Variants in OCA2 observed in about 807,000 individuals in gnomAD.
OCA2 encodes OCA2 melanosomal transmembrane protein.
A neutral mutation model predicts 100.2 loss-of-function variants in OCA2; 77 were observed. The ratio of observed to expected loss-of-function variants is 0.77; its 90% confidence interval spans 0.64 to 0.93. OCA2 has a LOEUF of 0.93. Among genes scored for constraint, OCA2 ranks in the 40% least tolerant of loss-of-function variants. The pLI, the probability that OCA2 is intolerant of heterozygous loss-of-function variation, is 0.00. For synonymous variants in OCA2, 432 were observed against 439.2 expected, an observed-to-expected ratio of 0.98 and a Z score of 0.21; for missense variants, 1,062 against 1,089.1, an observed-to-expected ratio of 0.98 and a Z score of 0.35.
intron 5 of OCA2, among the ~76,000 whole-genome samples, chr15:28,024,498 C>T (rs1165801897): frequency 6.6e-6 from 1 of 152,194 alleles, no homozygotes; most frequent in Non-Finnish European, 1.5e-5. Flanking sequence ...AGATGTGTTC[C>T]AACACACATG....
chr15:27,985,209 A>G, intron 12 of OCA2, 21 bp from the exon 13 acceptor site: 1 of 1,613,484 alleles, frequency 6.2e-7, no homozygotes. Flanking sequence ...ACACACAGAG[A>G]GAGTACAAGC....
intron 10 of OCA2, among the ~76,000 whole-genome samples, chr15:27,990,091 C>CT (rs1399970195): frequency 2.6e-5 from 4 of 152,124 alleles, no homozygotes; most frequent in Non-Finnish European, 5.9e-5. Context: ...CCACTGGTCT[C>CT]TGTTGTTTCC....
intron 23 of OCA2, among the ~76,000 whole-genome samples, chr15:27,789,407 ATCT>A (rs1340874745): frequency 6.6e-6 from 1 of 152,150 alleles, no homozygotes; most frequent in Non-Finnish European, 1.5e-5. Context: ...TTGAGTTTGT[ATCT>A]TCGTTTCAAC....
chr15:27,921,765 A>G (rs1239613942), intron 19 of OCA2, among the ~76,000 whole-genome samples: 1 of 152,192 alleles, frequency 6.6e-6, no homozygotes, highest in Non-Finnish European at 1.5e-5. Context: ...CAGTGGCACA[A>G]TCGTGGCTCA....
At chr15:27,781,724 G>A (rs962178823) in intron 23 of OCA2, among the ~76,000 whole-genome samples, 1 of 152,134 alleles carries the variant, frequency 6.6e-6, no homozygotes, top group Non-Finnish European at 1.5e-5. Flanking sequence ...ATACCAGAAA[G>A]TAAATAGCAT....
Position 27,976,486 on chromosome 15 carries a change from T to C in OCA2, c.1503+6859A>G, listed in dbSNP as rs139127693. Among the ~76,000 whole-genome samples, 1,037 of 152,290 alleles carry C rather than the reference T, an allele frequency of 6.8e-3. 13 individuals are homozygous for C. Among genetic ancestry groups the C allele is most frequent in the African/African-American group, 0.023 (975 of 41,582 alleles). On this transcript the variant is annotated intron_variant, in intron 14 of 23. Coordinates refer to ENST00000354638, the MANE Select transcript of OCA2 (RefSeq NM_000275.3). ...GTAATAGATATCGGATTTTGCCAAA[T>C]GTTTTTTCTGCATCTATTGAGATGA...
At position 27,827,286 on chromosome 15, in the gene OCA2, T is replaced by A. The variant is rs538376867; in HGVS notation, c.2432+17673A>T. Among the ~76,000 whole-genome samples the A allele has an allele frequency of 2.4e-4, 37 of 152,130 alleles. 1 individual carries two copies. Among genetic ancestry groups the A allele is most frequent in the Middle Eastern group, 6.8e-3 (2 of 294 alleles). The stretch of plus-strand genomic sequence containing the variant: ...GACAGCCAGGACTGGGAAATCAACA[T>A]CTGATTTAAATGAGGGAAACAAGCT... On this transcript the variant is annotated intron_variant, in intron 23 of 23. Coordinates refer to ENST00000354638, the MANE Select transcript of OCA2 (RefSeq NM_000275.3).
At chr15:27,918,986 G>T (rs963254277) in intron 19 of OCA2, among the ~76,000 whole-genome samples, 7 of 152,194 alleles carry the variant, frequency 4.6e-5, no homozygotes, top group Non-Finnish European at 8.8e-5. Flanking sequence ...CAATTAGGGA[G>T]AGTGAAATAA....
intron 23 of OCA2, among the ~76,000 whole-genome samples, chr15:27,824,438 A>G (rs1454517113): frequency 1.3e-5 from 2 of 151,736 alleles, no homozygotes; most frequent in African/African-American, 4.8e-5. Flanking sequence ...ACAAAATAAG[A>G]GATAATGATC....
chr15:28,079,832 A>T (rs1435972212), intron 2 of OCA2, among the ~76,000 whole-genome samples: 1 of 152,004 alleles, frequency 6.6e-6, no homozygotes. Flanking sequence ...CACACCTGCC[A>T]GCTCCTGCCC....
chr15:27,745,944 T>C, the OCA2 span, among the ~76,000 whole-genome samples: 1 of 152,180 alleles, frequency 6.6e-6, no homozygotes, highest in African/African-American at 2.4e-5. Context: ...TGTCCCACCT[T>C]TCTGGACCAA....
At chr15:27,994,498 G>A (rs923272469) in intron 9 of OCA2, among the ~76,000 whole-genome samples, 8 of 152,064 alleles carry the variant, frequency 5.3e-5, no homozygotes, top group Non-Finnish European at 1.0e-4. Flanking sequence ...GGCACAGAAC[G>A]CACCACCTAG....
intron 23 of OCA2, among the ~76,000 whole-genome samples, chr15:27,830,919 G>T (rs1251296858): frequency 6.6e-6 from 1 of 152,122 alleles, no homozygotes; most frequent in African/African-American, 2.4e-5. Flanking sequence ...TTCATTTGAT[G>T]GAGCTACAGA....
At chr15:28,080,801 C>G (rs993882692) in intron 2 of OCA2, among the ~76,000 whole-genome samples, 1 of 152,220 alleles carries the variant, frequency 6.6e-6, no homozygotes, top group Non-Finnish European at 1.5e-5. Flanking sequence ...CTGCTTTTCT[C>G]ATTACAAGGA....
intron 1 of OCA2, among the ~76,000 whole-genome samples, chr15:28,097,701 ACTCCCAGAGTGCTG>A (rs2045011883): frequency 6.6e-6 from 1 of 151,320 alleles, no homozygotes; most frequent in African/African-American, 2.4e-5. Flanking sequence ...GGTACCCAAA[ACTCCCAGAGTGCTG>A]AAGCCACACC....
chr15:27,762,209 T>C (rs1281180790), intron 23 of OCA2, among the ~76,000 whole-genome samples: 1 of 151,996 alleles, frequency 6.6e-6, no homozygotes, highest in Non-Finnish European at 1.5e-5. Context: ...TTTCTGAGTC[T>C]ACAATGTCTA....
chr15:27,775,777 C>G (rs79126231), intron 23 of OCA2: 4,482 of 152,518 alleles, frequency 0.029, 101 homozygotes, highest in South Asian at 0.048. Flanking sequence ...CCTGTGTCTT[C>G]ACAATGTTTT....
chr15:28,035,158 G>C (rs2043013023), intron 2 of OCA2, among the ~76,000 whole-genome samples: 1 of 152,048 alleles, frequency 6.6e-6, no homozygotes, highest in South Asian at 2.1e-4. Context: ...GGCCACATCT[G>C]GCTGATTTTT....
the OCA2 span, among the ~76,000 whole-genome samples, chr15:27,739,039 G>A: frequency 0.53 from 80,881 of 151,980 alleles, 22,411 homozygotes; most frequent in East Asian, 0.67. Flanking sequence ...TGACTCAGTG[G>A]CGGAACCAGG....
Sources: allele counts gnomAD v4.1 joint callset (sites outside exome capture counted in the v4.1 genomes callset), GRCh38; gene constraint gnomAD v4.1.1; transcripts MANE v1.5; gene names NCBI Gene and HGNC (gene_info 2026-07-23, HGNC 2026-07-21).